Variants in KMT2A observed in about 807,000 individuals in gnomAD.
KMT2A encodes histone-lysine N-methyltransferase 2A.
KMT2A carries 16 observed loss-of-function variants against 345.3 expected under a neutral mutation model. The ratio of observed to expected loss-of-function variants is 0.05; its 90% confidence interval spans 0.03 to 0.07. The LOEUF is 0.07. Ranked by LOEUF, KMT2A falls within the 10% of genes least tolerant of loss-of-function variation. The pLI, the probability that KMT2A is intolerant of heterozygous loss-of-function variation, is 1.00. For synonymous variants in KMT2A, 1,599 were observed against 1,778.6 expected (o/e 0.90, Z 2.54); for missense variants, 3,272 against 4,841.6 (o/e 0.68, Z 9.62).
rs147292591 is a variant in KMT2A, at chr11:118,502,303, A to AATATATAT, written c.6506-87_6506-80dup. The AATATATAT allele has an allele frequency of 1.7e-5, 10 of 605,996 alleles. No individual in the cohort carries two copies. Among genetic ancestry groups the AATATATAT allele is most frequent in the Non-Finnish European group, 2.1e-5 (8 of 386,580 alleles). The allele number at this position is 605,996 out of a possible 1,614,324, so 37.5% of individuals were successfully genotyped here. On this transcript the variant is annotated intron_variant, in intron 26 of 35. Transcript: ENST00000534358. The surrounding 1 kb of genome is among the most constrained non-coding windows in gnomAD (Gnocchi z 4.9). ...AAATGTAGATTTCCAGTTACCTATA[A>AATATATAT]ATATATATATATATAGTCAAATCAT... is the stretch of plus-strand genomic sequence containing the variant.
chr11:118,502,547 G>C lies in KMT2A; in HGVS notation c.6655G>C (p.Gly2219Arg). Residue 2219 changes from glycine to arginine, a missense_variant, in exon 27 of 36, where the codon GGG becomes CGG. Transcript: ENST00000534358. The surrounding 1 kb of genome is among the most constrained non-coding windows in gnomAD (Gnocchi z 4.9). ...KLRIMSPMRTGNTYSRNNVSS... is the reference protein window; with the variant it reads ...KLRIMSPMRTRNTYSRNNVSS... ...CCGGATAATGTCTCCAATGAGAACT[G>C]GGAATACTTACTCTAGGAATAATGT... The C allele has an allele frequency of 1.2e-6, 2 of 1,614,066 alleles. No homozygotes were observed. The highest frequency in any genetic ancestry group is 1.7e-6 in the Non-Finnish European group (2 of 1,179,992).
At position 118,476,063 on chromosome 11, in the gene KMT2A, G is replaced by A. The variant is rs1272089186; in HGVS notation, c.3157-742G>A. 2.0e-5 allele frequency among the ~76,000 whole-genome samples: 3 copies of A among 151,982 alleles called. No individual in the cohort carries two copies. The highest frequency in any genetic ancestry group is 4.4e-5 in the Non-Finnish European group (3 of 67,984). On this transcript the variant is annotated intron_variant, in intron 3 of 35. Coordinates refer to ENST00000534358, the MANE Select transcript of KMT2A (RefSeq NM_001197104.2). This position sits in a 1 kb window ranked among gnomAD's most constrained non-coding sequence, Gnocchi z 4.1. ...TGGGATTACGGGCATGCACCACCAC[G>A]CCCAGCTAATTTTGTATTTTTAGTA...
At chr11:118,450,033 A>C (rs965781049) in intron 1 of KMT2A, 1 of 152,210 alleles carries the variant, frequency 6.6e-6, no homozygotes, top group South Asian at 2.1e-4. Flanking sequence ...TATTCAAATC[A>C]ATCTGGTCAT....
chr11:118,524,654 A>G lies in KMT2A; in HGVS notation c.*2482A>G, dbSNP rs1951042929. Reference sequence around the variant, plus strand: ...GTTCCACTAGTGTCTGCTTTCCTTTATTATTGCACTGTGTGAGGTTTTTTT... The same window carrying G: ...GTTCCACTAGTGTCTGCTTTCCTTTGTTATTGCACTGTGTGAGGTTTTTTT... On this transcript the variant is annotated 3_prime_UTR_variant, in exon 36 of 36. Coordinates refer to ENST00000534358, the MANE Select transcript of KMT2A (RefSeq NM_001197104.2). 5.6e-6 allele frequency: 1 copy of G among 178,386 alleles called. No individual in the cohort carries two copies. Among genetic ancestry groups the G allele is most frequent in the Non-Finnish European group, 1.2e-5 (1 of 83,446 alleles). 11.1% of individuals were successfully genotyped at this position (178,386 alleles called of 1,614,324 possible).
rs2134346641 is a variant in KMT2A, at chr11:118,493,283, G to A, written c.5178+53G>A. 2.8e-6 allele frequency: 4 copies of A among 1,433,634 alleles called. No homozygotes were observed. Among genetic ancestry groups the A allele is most frequent in the South Asian group, 1.2e-5 (1 of 80,518 alleles). The allele number at this position is 1,433,634 out of a possible 1,614,324, so 88.8% of individuals were successfully genotyped here. A position where few individuals can be genotyped will look rare whatever the true frequency, so the allele number is the denominator to read the frequency against. ...TTTCTAGTGCCAATAAAGCTTCTTT[G>A]GACCTTTGGGGCATGAAACTGAGTA... On this transcript the variant is annotated intron_variant, in intron 16 of 35. Transcript: ENST00000534358. This position sits in a 1 kb window ranked among gnomAD's most constrained non-coding sequence, Gnocchi z 5.8.
Position 118,494,373 on chromosome 11 carries a change from G to T in KMT2A, c.5264G>T (p.Ser1755Ile). 1 of 1,595,484 alleles carries T rather than the reference G, an allele frequency of 6.3e-7. No homozygotes were observed. Among genetic ancestry groups the T allele is most frequent in the African/African-American group, 1.3e-5 (1 of 74,652 alleles). The part of the protein sequence containing the change: ...GGQPEIKKAN[S>I]MVKSFFIRQM... The stretch of plus-strand genomic sequence containing the variant: ...CAGCCAGAAATTAAAAAAGCCAACA[G>T]CATGGTCAAGTCCTTCTTCATTCGG... Residue 1755 changes from serine (S) to isoleucine (I), a missense_variant, in exon 17 of 36, where the codon AGC becomes ATC. Ser to Ile is a moderately radical substitution (Grantham distance 142, BLOSUM62 -2). Coordinates refer to ENST00000534358, the MANE Select transcript of KMT2A (RefSeq NM_001197104.2). This position sits in a 1 kb window ranked among gnomAD's most constrained non-coding sequence, Gnocchi z 5.8.
chr11:118,498,208 A>G lies in KMT2A; in HGVS notation c.5802+135A>G. 2.6e-6 allele frequency: 3 copies of G among 1,152,040 alleles called. No homozygotes were observed. Among genetic ancestry groups the G allele is most frequent in the South Asian group, 3.0e-5 (2 of 66,850 alleles). The allele number at this position is 1,152,040 out of a possible 1,614,324, so 71.4% of individuals were successfully genotyped here. Reference sequence around the variant, plus strand: ...AGTTAGCCAACAAGTATTGATATACATAATTCAACAGATAAAATGATAAAT... The same window carrying G: ...AGTTAGCCAACAAGTATTGATATACGTAATTCAACAGATAAAATGATAAAT... On this transcript the variant is annotated intron_variant, in intron 21 of 35. Transcript: ENST00000534358. This position sits in a 1 kb window ranked among gnomAD's most constrained non-coding sequence, Gnocchi z 4.4.
At chr11:118,481,028 T>C (rs1950121787) in intron 6 of KMT2A, among the ~76,000 whole-genome samples, 1 of 152,170 alleles carries the variant, frequency 6.6e-6, no homozygotes, top group Admixed American at 6.6e-5. Flanking sequence ...ATACAATGGG[T>C]AATAATCACA....
intron 1 of KMT2A, among the ~76,000 whole-genome samples, chr11:118,437,842 C>T (rs909683129): frequency 2.6e-4 from 40 of 152,150 alleles, no homozygotes; most frequent in African/African-American, 9.2e-4. Context: ...CAGCTTTCCA[C>T]CACTCCCCTT....
chr11:118,473,139 C>T lies in KMT2A; in HGVS notation c.1980C>T (p.Asp660=), dbSNP rs782676585. ...NFRPPPLTPE[D]VGFASGFSAS... Reference sequence around the variant, plus strand: ...GACCCCCTCCACTAACTCCCGAGGACGTTGGCTTTGCATCTGGTTTTTCTG... The same window carrying T: ...GACCCCCTCCACTAACTCCCGAGGATGTTGGCTTTGCATCTGGTTTTTCTG... Residue 660 remains aspartate, a synonymous_variant, in exon 3 of 36, where the codon GAC becomes GAT. Coordinates refer to ENST00000534358, the MANE Select transcript of KMT2A (RefSeq NM_001197104.2). This position sits in a 1 kb window ranked among gnomAD's most constrained non-coding sequence, Gnocchi z 5.2. 1.9e-6 allele frequency: 3 copies of T among 1,614,154 alleles called. No homozygotes were observed. The highest frequency in any genetic ancestry group is 1.1e-5 in the South Asian group (1 of 91,082).
chr11:118,514,780 T>C (rs910186668), intron 31 of KMT2A, among the ~76,000 whole-genome samples: 26 of 152,122 alleles, frequency 1.7e-4, no homozygotes, highest in Non-Finnish European at 3.5e-4. Flanking sequence ...ATTACAGGCA[T>C]GTGCCACCAT....
intron 1 of KMT2A, among the ~76,000 whole-genome samples, chr11:118,465,927 T>G (rs1374743705): frequency 3.3e-5 from 5 of 152,340 alleles, no homozygotes; most frequent in Middle Eastern, 3.4e-3. Context: ...GTTTTGTTTT[T>G]TTGGTAACAT....
At chr11:118,468,289 T>C (rs1949883146) in intron 1 of KMT2A, among the ~76,000 whole-genome samples, 2 of 152,208 alleles carry the variant, frequency 1.3e-5, no homozygotes, top group Admixed American at 1.3e-4. Context: ...GTTAAGGAAC[T>C]GACAATTATG....
chr11:118,512,382 A>G (rs782550245), intron 31 of KMT2A: 1 of 245,394 alleles, frequency 4.1e-6, no homozygotes, highest in Non-Finnish European at 7.8e-6. Context: ...AAATCAGACA[A>G]TATGTAGCCT....
intron 1 of KMT2A, among the ~76,000 whole-genome samples, chr11:118,437,747 T>A (rs1949225072): frequency 6.7e-6 from 1 of 149,786 alleles, no homozygotes; most frequent in Non-Finnish European, 1.5e-5. Context: ...CTACCTTCAC[T>A]CCACCCTTTC....
At chr11:118,447,855 A>G (rs1476211664) in intron 1 of KMT2A, 2 of 255,400 alleles carry the variant, frequency 7.8e-6, no homozygotes, top group African/African-American at 2.2e-5. Context: ...TTTAAACCGA[A>G]ATCAGGAGTA....
In KMT2A at chr11:118,523,977, T is replaced by G. The variant is rs1951026597; in HGVS notation, c.*1805T>G. 4.9e-6 allele frequency: 1 copy of G among 203,348 alleles called. No homozygotes were observed. The highest frequency in any genetic ancestry group is 2.3e-5 in the African/African-American group (1 of 43,626). 12.6% of individuals were successfully genotyped at this position (203,348 alleles called of 1,614,324 possible). A position where few individuals can be genotyped will look rare whatever the true frequency, so the allele number is the denominator to read the frequency against. On this transcript the variant is annotated 3_prime_UTR_variant, in exon 36 of 36. Transcript: ENST00000534358. Reference sequence around the variant, plus strand: ...TTCTCTTCTTTCCCGCCTCTCTCCTTTCCGGCGCAACTTCCAGAGTGGTGG... The same window carrying G: ...TTCTCTTCTTTCCCGCCTCTCTCCTGTCCGGCGCAACTTCCAGAGTGGTGG...
chr11:118,469,242 C>T (rs782254170), intron 2 of KMT2A, among the ~76,000 whole-genome samples: 2 of 149,766 alleles, frequency 1.3e-5, no homozygotes, highest in African/African-American at 2.5e-5. Context: ...AGTAGGTTTC[C>T]ACAGAATTAC....
At position 118,490,122 on chromosome 11, in the gene KMT2A, T is replaced by C; in HGVS notation, c.4576-7T>C. The C allele has an allele frequency of 6.2e-7, 1 of 1,603,760 alleles. No individual in the cohort carries two copies. The highest frequency in any genetic ancestry group is 1.1e-5 in the South Asian group (1 of 88,186). ...ATTCCTATTGAATTTCTTTTCTTCT[T>C]TTCTAGATCTGTACCAAGTGTGTTC... On this transcript the variant is annotated splice_polypyrimidine_tract_variant and splice_region_variant and intron_variant, in intron 12 of 35. Transcript: ENST00000534358. The surrounding 1 kb of genome is among the most constrained non-coding windows in gnomAD (Gnocchi z 4.2).
Sources: gnomAD v4.1 joint callset for allele counts (sites outside exome capture counted in the v4.1 genomes callset) on GRCh38, gnomAD v4.1.1 for gene constraint, Gnocchi (gnomAD v3.1) non-coding constraint, MANE v1.5 for transcripts, NCBI Gene and HGNC (gene_info 2026-07-23, HGNC 2026-07-21) for gene names.